The following ERBB4 variants were observed in gnomAD, a reference collection of about 807,000 sequenced individuals.
ERBB4 encodes the protein receptor tyrosine-protein kinase erbB-4.
A neutral mutation model predicts 158.0 loss-of-function variants in ERBB4; 42 were observed. That is an observed-to-expected ratio of 0.27 (90% CI 0.21 to 0.34). The LOEUF (loss-of-function observed/expected upper bound fraction) is 0.34. Among genes scored for constraint, ERBB4 ranks in the 10% least tolerant of loss-of-function variants. The pLI is 1.00. For missense variants in ERBB4, 1,333 were observed against 1,624.1 expected (o/e 0.82, Z 3.08); for synonymous variants, 583 against 558.7 (o/e 1.04, Z -0.61).
chr2:211,715,122 T>C (rs902527335), intron 7 of ERBB4, among the ~76,000 whole-genome samples: 2 of 152,194 alleles, frequency 1.3e-5, no homozygotes, highest in African/African-American at 4.8e-5. Context: ...AATTGATTAC[T>C]CATTTTGTAT....
At chr2:211,716,654 C>T (rs534791754) in intron 7 of ERBB4, among the ~76,000 whole-genome samples, 3 of 151,444 alleles carry the variant, frequency 2.0e-5, no homozygotes, top group East Asian at 2.0e-4. Flanking sequence ...CCGGCCTGGG[C>T]GACAGAGCGA....
At chr2:211,489,976 T>G (rs1559220517) in intron 20 of ERBB4, among the ~76,000 whole-genome samples, 1 of 151,956 alleles carries the variant, frequency 6.6e-6, no homozygotes. Context: ...TCCTCTAAAA[T>G]TTAGGTGTGG....
chr2:211,673,282 G>C, intron 13 of ERBB4, 25 bp from the exon 14 acceptor site: 1 of 1,543,956 alleles, frequency 6.5e-7, no homozygotes, highest in Admixed American at 1.7e-5. Flanking sequence ...GCCACATGAG[G>C]AGGTGTAAGC....
intron 5 of ERBB4, among the ~76,000 whole-genome samples, chr2:211,735,244 T>C (rs1451896883): frequency 6.6e-6 from 1 of 151,882 alleles, no homozygotes; most frequent in African/African-American, 2.4e-5. Flanking sequence ...TATACTAAAA[T>C]AACCTGTGCA....
At chr2:211,775,324 T>G (rs773959448) in intron 4 of ERBB4, among the ~76,000 whole-genome samples, 2 of 152,188 alleles carry the variant, frequency 1.3e-5, no homozygotes, top group Non-Finnish European at 1.5e-5. Flanking sequence ...TTATTTCTAG[T>G]TAATAGATTA....
chr2:212,039,718 T>C (rs2077094345), intron 2 of ERBB4, among the ~76,000 whole-genome samples: 2 of 152,250 alleles, frequency 1.3e-5, no homozygotes, highest in East Asian at 3.9e-4. Context: ...TGATTACCTC[T>C]TTCAGAATAG....
At chr2:212,495,429 T>C (rs1690508601) in intron 1 of ERBB4, among the ~76,000 whole-genome samples, 1 of 152,210 alleles carries the variant, frequency 6.6e-6, no homozygotes, top group African/African-American at 2.4e-5. Flanking sequence ...CTTTAAATTA[T>C]GAACCTACTA....
chr2:211,574,811 G>T (rs2067842205), intron 19 of ERBB4, among the ~76,000 whole-genome samples: 1 of 152,112 alleles, frequency 6.6e-6, no homozygotes, highest in Non-Finnish European at 1.5e-5. Flanking sequence ...TGGTTCACTT[G>T]TAGCTTTATT....
chr2:212,361,177 G>A lies in ERBB4; in HGVS notation c.82+177272C>T, dbSNP rs147993145. 7.8e-4 allele frequency among the ~76,000 whole-genome samples: 119 copies of A among 151,750 alleles called. 1 individual carries two copies. Among genetic ancestry groups the A allele is most frequent in the African/African-American group, 2.7e-3 (114 of 41,498 alleles). ...AGTTTCAGGATAAGGGAAATTTTGT[G>A]TAATAACATTTCCATTTGGTTCATA... On this transcript the variant is annotated intron_variant, in intron 1 of 27. Transcript: ENST00000342788.
At chr2:212,074,932 G>T (rs1450402735) in intron 2 of ERBB4, among the ~76,000 whole-genome samples, 2 of 151,840 alleles carry the variant, frequency 1.3e-5, no homozygotes, top group Non-Finnish European at 2.9e-5. Flanking sequence ...GGTCGTAGAG[G>T]TCCTGGCAAT....
chr2:211,389,455 T>C (rs1290036354), intron 25 of ERBB4, among the ~76,000 whole-genome samples: 1 of 152,182 alleles, frequency 6.6e-6, no homozygotes, highest in Non-Finnish European at 1.5e-5. Flanking sequence ...CTGGATAATA[T>C]AATCTCCCTT....
At chr2:211,564,772 G>A (rs1169191543) in intron 19 of ERBB4, among the ~76,000 whole-genome samples, 1 of 152,070 alleles carries the variant, frequency 6.6e-6, no homozygotes, top group East Asian at 1.9e-4. Flanking sequence ...TAATTTTCTA[G>A]AATAAAAGCT....
chr2:211,733,216 AC>A (rs1387987088), intron 5 of ERBB4, among the ~76,000 whole-genome samples: 2 of 152,184 alleles, frequency 1.3e-5, no homozygotes, highest in Admixed American at 1.3e-4. Context: ...TCATTGAGGG[AC>A]CTTAAAGCTG....
At chr2:211,799,899 G>A (rs751612052) in intron 3 of ERBB4, among the ~76,000 whole-genome samples, 3 of 151,870 alleles carry the variant, frequency 2.0e-5, no homozygotes, top group Non-Finnish European at 2.9e-5. Context: ...CTAAAACCAG[G>A]GCAAGACTAC....
intron 2 of ERBB4, among the ~76,000 whole-genome samples, chr2:212,065,504 A>T (rs2077916876): frequency 6.6e-6 from 1 of 152,076 alleles, no homozygotes; most frequent in Non-Finnish European, 1.5e-5. Flanking sequence ...AATCAAACAT[A>T]TTTATAAATG....
At chr2:212,139,330 G>GATACAATATTTGCTAGT (rs1402794673) in intron 1 of ERBB4, among the ~76,000 whole-genome samples, 1 of 151,808 alleles carries the variant, frequency 6.6e-6, no homozygotes, top group Non-Finnish European at 1.5e-5. Context: ...CATACATAGG[G>GATACAATATTTGCTAGT]ATACAATATT....
chr2:212,303,495 A>G (rs909105694), intron 1 of ERBB4, among the ~76,000 whole-genome samples: 1 of 151,436 alleles, frequency 6.6e-6, no homozygotes, highest in African/African-American at 2.4e-5. Flanking sequence ...CTATTTATCT[A>G]GCACGTGTTT....
chr2:212,416,067 G>T (rs1267972581), intron 1 of ERBB4, among the ~76,000 whole-genome samples: 1 of 152,078 alleles, frequency 6.6e-6, no homozygotes, highest in African/African-American at 2.4e-5. Flanking sequence ...CACAAAGCTA[G>T]CCATGAATGG....
intron 3 of ERBB4, among the ~76,000 whole-genome samples, chr2:211,838,936 G>T (rs1027393832): frequency 4.6e-5 from 7 of 151,970 alleles, no homozygotes; most frequent in Non-Finnish European, 8.8e-5. Flanking sequence ...TGTGAAATTT[G>T]CTTACAGCAA....
Sources: allele counts gnomAD v4.1 joint callset (sites outside exome capture counted in the v4.1 genomes callset), GRCh38; gene constraint gnomAD v4.1.1; transcripts MANE v1.5; gene names NCBI Gene and HGNC (gene_info 2026-07-23, HGNC 2026-07-21).